The following EDIL3 variants were observed in gnomAD, a reference collection of about 807,000 sequenced individuals.
The protein encoded by EDIL3 is EGF like and discoidin domains 3, also known as EGF-like repeat and discoidin I-like domain-containing protein 3.
A neutral mutation model predicts 67.4 loss-of-function variants in EDIL3; 37 were observed. The observed-to-expected ratio is 0.55, with a 90% CI of 0.42 to 0.72. The LOEUF (loss-of-function observed/expected upper bound fraction) is 0.72, where lower values mean the gene tolerates loss of function less well. EDIL3 is among the 30% of genes least tolerant of loss of function. The pLI is 0.00. For synonymous variants in EDIL3, 195 were observed against 196.3 expected (o/e 0.99, Z 0.05); for missense variants, 527 against 586.3 (o/e 0.90, Z 1.04).
intron 2 of EDIL3, among the ~76,000 whole-genome samples, chr5:84,240,851 C>T (rs533439209): frequency 6.6e-6 from 1 of 151,818 alleles, no homozygotes; most frequent in Non-Finnish European, 1.5e-5. Context: ...AGAAAGTTTC[C>T]CCATGTCTCC....
intron 8 of EDIL3, among the ~76,000 whole-genome samples, chr5:84,061,977 A>G (rs1472664460): frequency 6.6e-6 from 1 of 152,022 alleles, no homozygotes; most frequent in Admixed American, 6.6e-5. Flanking sequence ...GTCTATCTAG[A>G]TTACTTCTAC....
At chr5:84,220,320 C>T (rs1744317129) in intron 3 of EDIL3, among the ~76,000 whole-genome samples, 1 of 152,084 alleles carries the variant, frequency 6.6e-6, no homozygotes, top group African/African-American at 2.4e-5. Context: ...TTTTGACAAA[C>T]TTGAAAATAT....
At chr5:84,208,209 CA>C (rs776355062) in intron 3 of EDIL3, among the ~76,000 whole-genome samples, 102 of 152,186 alleles carry the variant, frequency 6.7e-4, no homozygotes, top group Non-Finnish European at 5.7e-4. Context: ...AAGAAGAAAA[CA>C]AACAACCCCA....
At chr5:84,109,699 A>C (rs1311171856) in intron 5 of EDIL3, among the ~76,000 whole-genome samples, 1 of 152,110 alleles carries the variant, frequency 6.6e-6, no homozygotes, top group African/African-American at 2.4e-5. Context: ...AACAAAAACA[A>C]ACAAAAATAC....
intron 9 of EDIL3, among the ~76,000 whole-genome samples, chr5:84,014,611 C>T (rs1745568713): frequency 1.3e-5 from 2 of 152,186 alleles, no homozygotes; most frequent in South Asian, 4.1e-4. Flanking sequence ...TGCCACTGCA[C>T]TCCAGCCTGG....
intron 1 of EDIL3, among the ~76,000 whole-genome samples, chr5:84,376,990 A>T (rs1265810006): frequency 6.6e-6 from 1 of 152,214 alleles, no homozygotes; most frequent in East Asian, 1.9e-4. Flanking sequence ...TAGCATAGTT[A>T]AAATTAAAGT....
At chr5:84,100,275 A>G (rs1030417852) in intron 6 of EDIL3, among the ~76,000 whole-genome samples, 2 of 152,150 alleles carry the variant, frequency 1.3e-5, no homozygotes, top group African/African-American at 4.8e-5. Flanking sequence ...ACACATGCAC[A>G]TGTGTGTTTA....
At chr5:84,055,959 G>GAT (rs1441380624) in intron 9 of EDIL3, among the ~76,000 whole-genome samples, 1 of 152,136 alleles carries the variant, frequency 6.6e-6, no homozygotes, top group Admixed American at 6.5e-5. Context: ...CCCATTACTG[G>GAT]ATATATACCC....
intron 1 of EDIL3, among the ~76,000 whole-genome samples, chr5:84,352,362 T>C (rs776599411): frequency 6.6e-6 from 1 of 152,222 alleles, no homozygotes; most frequent in Non-Finnish European, 1.5e-5. Context: ...GTATTCACAA[T>C]AGCAAAGTCA....
intron 1 of EDIL3, among the ~76,000 whole-genome samples, chr5:84,372,250 T>G (rs1357611365): frequency 6.6e-6 from 1 of 152,100 alleles, no homozygotes; most frequent in East Asian, 1.9e-4. Flanking sequence ...AAAAAATATG[T>G]ACGACTTCAG....
intron 9 of EDIL3, among the ~76,000 whole-genome samples, chr5:83,981,295 T>C (rs533218780): frequency 1.4e-4 from 22 of 152,160 alleles, no homozygotes; most frequent in African/African-American, 5.3e-4. Context: ...AATATAAATA[T>C]ATGTGTATGT....
chr5:84,211,009 A>G (rs1319664331), intron 3 of EDIL3, among the ~76,000 whole-genome samples: 6 of 152,172 alleles, frequency 3.9e-5, no homozygotes, highest in African/African-American at 1.2e-4. Context: ...CCGCCCCCCA[A>G]CCAAAATATA....
At chr5:84,177,683 C>T in intron 4 of EDIL3, among the ~76,000 whole-genome samples, 1 of 152,080 alleles carries the variant, frequency 6.6e-6, no homozygotes, top group Admixed American at 6.6e-5. Flanking sequence ...ATATATGGGA[C>T]TCTGTACTTT....
At chr5:84,056,101 ACATGGAATACTAGGAATACAC>A (rs1225828867) in intron 9 of EDIL3, among the ~76,000 whole-genome samples, 1 of 152,208 alleles carries the variant, frequency 6.6e-6, no homozygotes. Flanking sequence ...AAAATGTGGC[ACATGGAATACTAGGAATACAC>A]CATGGAATAC....
Position 83,942,677 on chromosome 5 carries a change from G to GATCA in EDIL3, c.*738_*741dup, listed in dbSNP as rs1744245447. The stretch of plus-strand genomic sequence containing the variant: ...ATTTAATTAACGAATATTAAATACA[G>GATCA]ATCAATCTACTGATAGGCAGTCATG... On this transcript the variant is annotated 3_prime_UTR_variant, in exon 11 of 11. Coordinates refer to ENST00000296591, the MANE Select transcript of EDIL3 (RefSeq NM_005711.5). 2 of 151,806 alleles carry GATCA rather than the reference G, an allele frequency of 1.3e-5. No homozygotes were observed. The highest frequency in any genetic ancestry group is 4.2e-4 in the South Asian group (2 of 4,816). 9.4% of individuals were successfully genotyped at this position (151,806 alleles called of 1,614,324 possible).
chr5:84,037,120 A>G (rs1324190380), intron 9 of EDIL3, among the ~76,000 whole-genome samples: 8 of 152,302 alleles, frequency 5.3e-5, no homozygotes, highest in Admixed American at 5.2e-4. Flanking sequence ...AGCATCACTG[A>G]TACACCAGAG....
At chr5:84,217,061 C>T (rs1047170407) in intron 3 of EDIL3, among the ~76,000 whole-genome samples, 2 of 151,238 alleles carry the variant, frequency 1.3e-5, no homozygotes, top group Non-Finnish European at 2.9e-5. Context: ...TTCCCTGAGC[C>T]AGGAAATCTC....
chr5:84,284,464 G>A (rs1404450013), intron 1 of EDIL3, among the ~76,000 whole-genome samples: 5 of 151,964 alleles, frequency 3.3e-5, no homozygotes, highest in African/African-American at 9.7e-5. Flanking sequence ...AAGGACAAAG[G>A]CCCATTCTTC....
At position 84,384,364 on chromosome 5, in the gene EDIL3, G is replaced by A. The variant is rs779885973; in HGVS notation, c.11C>T (p.Ser4Leu). The A allele has an allele frequency of 1.1e-5, 18 of 1,612,430 alleles. No individual in the cohort carries two copies. The African/African-American group carries it at 2.0e-4, about 18-fold the overall frequency. The part of the protein sequence containing the change: MKR[S>L]VAVWLLVGLS... ...CCCGACCAAGAGCCAGACGGCTACC[G>A]AGCGCTTCATGATCCCGTCTCCCGG... is the stretch of plus-strand genomic sequence containing the variant. The change falls in exon 1 of 11, where the codon TCG becomes TTG. Residue 4 changes from serine (S) to leucine (L), a missense_variant. Physicochemically the swap from Ser to Leu is moderately radical, Grantham distance 145 (BLOSUM62 -2). Around this residue, in one of 2 missense-constraint regions of EDIL3, gnomAD observed 494 missense variants for 522.5 expected, o/e 0.95. Transcript: ENST00000296591.
Sources: gnomAD v4.1 joint callset for allele counts (sites outside exome capture counted in the v4.1 genomes callset) on GRCh38, gnomAD v4.1.1 for gene constraint, gnomAD v4.1.1 regional missense constraint, MANE v1.5 for transcripts, NCBI Gene and HGNC (gene_info 2026-07-23, HGNC 2026-07-21) for gene names.